Variants in ST8SIA6 observed in about 807,000 individuals in gnomAD.
ST8SIA6 encodes the protein ST8 alpha-N-acetyl-neuraminide alpha-2,8-sialyltransferase 6.
Under a neutral mutation model 33.6 loss-of-function variants are expected in ST8SIA6, and 39 were observed. The ratio of observed to expected loss-of-function variants is 1.16; its 90% confidence interval spans 0.90 to 1.52. The LOEUF (loss-of-function observed/expected upper bound fraction) is 1.52, where lower values mean the gene tolerates loss of function less well. ST8SIA6 is among the 40% of genes most tolerant of loss of function. ST8SIA6 has a pLI of 0.00. For missense variants in ST8SIA6, 441 were observed against 443.8 expected, an observed-to-expected ratio of 0.99 and a Z score of 0.06; for synonymous variants, 172 against 167.2, an observed-to-expected ratio of 1.03 and a Z score of -0.22.
At chr10:17,401,625 C>T (rs1334190662) in intron 2 of ST8SIA6, among the ~76,000 whole-genome samples, 2 of 152,150 alleles carry the variant, frequency 1.3e-5, no homozygotes, top group African/African-American at 4.8e-5. Flanking sequence ...GAAATAATAC[C>T]ACACATCTGC....
chr10:17,411,343 C>A (rs1349000696), intron 2 of ST8SIA6, among the ~76,000 whole-genome samples: 2 of 152,020 alleles, frequency 1.3e-5, no homozygotes, highest in African/African-American at 4.8e-5. Context: ...ACCACCACAC[C>A]CGGCTAATTT....
Position 17,317,134 on chromosome 10 carries a change from G to C in ST8SIA6, c.*3744C>G, listed in dbSNP as rs1847799321. 6.6e-6 allele frequency among the ~76,000 whole-genome samples: 1 copy of C among 152,036 alleles called. No individual in the cohort carries two copies. Among genetic ancestry groups the C allele is most frequent in the South Asian group, 2.1e-4 (1 of 4,828 alleles). ...TCTGGAGCCCAACTTTTTATATGGT[G>C]CAATGTAGGCATTTATTTTTCTCCA... On this transcript the variant is annotated 3_prime_UTR_variant, in exon 8 of 8. Coordinates refer to ENST00000377602, the MANE Select transcript of ST8SIA6 (RefSeq NM_001004470.3).
chr10:17,327,523 T>C (rs1190627068), intron 5 of ST8SIA6, among the ~76,000 whole-genome samples: 1 of 152,072 alleles, frequency 6.6e-6, no homozygotes, highest in Non-Finnish European at 1.5e-5. Flanking sequence ...GAAGTGGAAG[T>C]TGCAGTGAGC....
At chr10:17,440,061 T>C (rs1268844832) in intron 2 of ST8SIA6, among the ~76,000 whole-genome samples, 1 of 152,202 alleles carries the variant, frequency 6.6e-6, no homozygotes, top group Non-Finnish European at 1.5e-5. Flanking sequence ...TTGAATGGGG[T>C]ATAACTATGG....
chr10:17,379,241 G>A (rs1021216886), intron 3 of ST8SIA6, among the ~76,000 whole-genome samples: 2 of 152,084 alleles, frequency 1.3e-5, no homozygotes, highest in Non-Finnish European at 2.9e-5. Context: ...TTATCCCTAA[G>A]TTCAAGGGTC....
At chr10:17,340,989 G>A (rs1016298640) in intron 4 of ST8SIA6, among the ~76,000 whole-genome samples, 1 of 152,120 alleles carries the variant, frequency 6.6e-6, no homozygotes, top group South Asian at 2.1e-4. Context: ...GTGCAGCTAC[G>A]GGAGGCAAGG....
chr10:17,375,624 G>A (rs17140903), intron 3 of ST8SIA6, among the ~76,000 whole-genome samples: 27,514 of 152,172 alleles, frequency 0.18, 2,636 homozygotes, highest in South Asian at 0.22. Context: ...CACCTATGGC[G>A]TAAGCCGCAC....
Position 17,400,628 on chromosome 10 carries a change from C to T in ST8SIA6, c.201-10008G>A, listed in dbSNP as rs186025739. Among the ~76,000 whole-genome samples, 880 of 152,276 alleles carry T rather than the reference C, an allele frequency of 5.8e-3. 9 individuals carry two copies. The highest frequency in any genetic ancestry group is 0.02 in the African/African-American group (826 of 41,554). ...TGGGATGCAAGGCTGGTTCAACATACGCAAATCACTAAACGTAATCCAGCA... is the reference window on the plus strand; with the variant it reads ...TGGGATGCAAGGCTGGTTCAACATATGCAAATCACTAAACGTAATCCAGCA... On this transcript the variant is annotated intron_variant, in intron 2 of 7. Transcript: ENST00000377602.
At chr10:17,421,162 G>A (rs769757886) in intron 2 of ST8SIA6, among the ~76,000 whole-genome samples, 2 of 152,184 alleles carry the variant, frequency 1.3e-5, no homozygotes, top group Non-Finnish European at 2.9e-5. Context: ...GCCACGTCAT[G>A]ACTGACTGAT....
chr10:17,419,812 C>T (rs542689689), intron 2 of ST8SIA6, among the ~76,000 whole-genome samples: 1 of 152,284 alleles, frequency 6.6e-6, no homozygotes, highest in South Asian at 2.1e-4. Context: ...TTTTTTCCTA[C>T]AATCTTCTTA....
At chr10:17,421,455 C>T (rs542674694) in intron 2 of ST8SIA6, among the ~76,000 whole-genome samples, 48 of 152,320 alleles carry the variant, frequency 3.2e-4, no homozygotes, top group African/African-American at 1.1e-3. Context: ...TTGACCTGTG[C>T]TTCTAACAGG....
chr10:17,369,430 T>C (rs1358842010), intron 3 of ST8SIA6, among the ~76,000 whole-genome samples: 3 of 152,224 alleles, frequency 2.0e-5, no homozygotes. Flanking sequence ...TGTGATCAGA[T>C]ATTATGCTTT....
chr10:17,389,275 C>G (rs1176909054), intron 3 of ST8SIA6, among the ~76,000 whole-genome samples: 5 of 152,236 alleles, frequency 3.3e-5, no homozygotes. Context: ...GCGTGAATTA[C>G]TCTTTCTCCA....
chr10:17,437,673 CTT>C (rs1491242111), intron 2 of ST8SIA6, among the ~76,000 whole-genome samples: 14 of 148,626 alleles, frequency 9.4e-5, no homozygotes, highest in Admixed American at 2.7e-4. Flanking sequence ...TTCTGTCTCT[CTT>C]TCTCTTTCTC....
At chr10:17,381,382 A>G (rs1456188913) in intron 3 of ST8SIA6, among the ~76,000 whole-genome samples, 4 of 152,186 alleles carry the variant, frequency 2.6e-5, no homozygotes, top group Non-Finnish European at 5.9e-5. Flanking sequence ...ATGTACCTCC[A>G]TCGGCATGCC....
intron 2 of ST8SIA6, among the ~76,000 whole-genome samples, chr10:17,397,231 T>G (rs1295458563): frequency 1.1e-5 from 1 of 93,846 alleles, no homozygotes; most frequent in Non-Finnish European, 2.3e-5. Context: ...AAATTGTTTT[T>G]TGTTTTTTTT....
chr10:17,406,662 C>T (rs1851274005), intron 2 of ST8SIA6, among the ~76,000 whole-genome samples: 1 of 152,112 alleles, frequency 6.6e-6, no homozygotes, highest in Admixed American at 6.5e-5. Context: ...TGGCAGGCCT[C>T]TTAAGGCAGC....
At chr10:17,356,901 C>T (rs1277080379) in intron 4 of ST8SIA6, among the ~76,000 whole-genome samples, 1 of 150,884 alleles carries the variant, frequency 6.6e-6, no homozygotes, top group Non-Finnish European at 1.5e-5. Flanking sequence ...GATTTTTGTC[C>T]AAAAAAAAGA....
chr10:17,345,130 G>T (rs1277133621), intron 4 of ST8SIA6, among the ~76,000 whole-genome samples: 1 of 152,064 alleles, frequency 6.6e-6, no homozygotes, highest in Non-Finnish European at 1.5e-5. Flanking sequence ...GCTAGGCCAG[G>T]CCTACTATAT....
Sources: gnomAD v4.1 joint callset for allele counts (sites outside exome capture counted in the v4.1 genomes callset) on GRCh38, gnomAD v4.1.1 for gene constraint, MANE v1.5 for transcripts, NCBI Gene and HGNC (gene_info 2026-07-23, HGNC 2026-07-21) for gene names.